Variants in DNAH9 observed in about 807,000 individuals in gnomAD.
DNAH9 encodes the protein DNAH9 variant protein.
In DNAH9, 345 loss-of-function variants were observed where a neutral mutation model predicts 471.6. That is an observed-to-expected ratio of 0.73 (90% CI 0.67 to 0.80). The LOEUF is 0.80. Among genes scored for constraint, DNAH9 ranks in the 30% least tolerant of loss-of-function variants. DNAH9 has a pLI of 0.00. For missense variants in DNAH9, 5,407 were observed against 5,609.2 expected, an observed-to-expected ratio of 0.96 and a Z score of 1.15; for synonymous variants, 2,093 against 2,123.6, an observed-to-expected ratio of 0.99 and a Z score of 0.40.
Position 11,719,420 on chromosome 17 carries a change from C to T in DNAH9, c.5639C>T (p.Thr1880Ile), listed in dbSNP as rs776449779. ...GPAGTGKTET[T>I]KDLGRALGIL... ...GCAGGCACAGGCAAGACCGAGACCA[C>T]CAAGGACCTGGGCCGCGCACTGGGC... The change falls in exon 27 of 69, where the codon ACC becomes ATC. Residue 1880 changes from threonine (T) to isoleucine (I), a missense_variant. This residue lies in a region of DNAH9 where 4,636 missense variants were observed against 4,900.3 expected (regional missense o/e 0.95). Transcript: ENST00000262442. 3.1e-6 allele frequency: 5 copies of T among 1,613,878 alleles called. No individual in the cohort carries two copies. The African/African-American group carries it at 5.3e-5, about 17-fold the overall frequency.
chr17:11,664,746 A>G (rs1044036678), intron 14 of DNAH9, 87 bp from the exon 15 acceptor site: 2 of 1,105,424 alleles, frequency 1.8e-6, no homozygotes, highest in Non-Finnish European at 2.6e-6. Context: ...TTTTTTCTCC[A>G]TATGTTGTTT....
intron 45 of DNAH9, among the ~76,000 whole-genome samples, chr17:11,816,257 AAAG>A (rs1258639131): frequency 2.0e-5 from 3 of 152,240 alleles, no homozygotes; most frequent in African/African-American, 7.2e-5. Context: ...AATACAAAAA[AAAG>A]AAGGATTAAA....
chr17:11,812,026 AATATATATATATAT>A (rs1555601078), intron 45 of DNAH9, among the ~76,000 whole-genome samples: 2 of 36,750 alleles, frequency 5.4e-5, no homozygotes, highest in Non-Finnish European at 5.2e-5. Context: ...AAAAAAAAAA[AATATATATATATAT>A]ATATATATAT....
chr17:11,757,166 A>C (rs1303963799), intron 34 of DNAH9, among the ~76,000 whole-genome samples: 1 of 152,128 alleles, frequency 6.6e-6, no homozygotes. Flanking sequence ...CTGCAGGATG[A>C]GTAAGTTCTA....
intron 26 of DNAH9, among the ~76,000 whole-genome samples, chr17:11,715,631 C>T (rs898841709): frequency 2.6e-5 from 4 of 152,286 alleles, no homozygotes; most frequent in Admixed American, 6.5e-5. Flanking sequence ...TGGGACTCAT[C>T]GGCCAGGATC....
intron 61 of DNAH9, among the ~76,000 whole-genome samples, chr17:11,908,377 A>G (rs1237721069): frequency 6.6e-6 from 1 of 152,238 alleles, no homozygotes; most frequent in Non-Finnish European, 1.5e-5. Flanking sequence ...CACATAATAC[A>G]TAGTAGTCAG....
At chr17:11,800,481 C>G (rs1280320869) in intron 43 of DNAH9, among the ~76,000 whole-genome samples, 1 of 152,022 alleles carries the variant, frequency 6.6e-6, no homozygotes, top group African/African-American at 2.4e-5. Flanking sequence ...TATCATTTAT[C>G]AAAAAATAAT....
At chr17:11,919,974 G>T (rs1974083031) in intron 61 of DNAH9, among the ~76,000 whole-genome samples, 1 of 152,032 alleles carries the variant, frequency 6.6e-6, no homozygotes, top group Non-Finnish European at 1.5e-5. Flanking sequence ...TCCATGATGG[G>T]AGAGCCCTGG....
At position 11,834,644 on chromosome 17, in the gene DNAH9, G is replaced by C; in HGVS notation, c.9253G>C (p.Asp3085His). The change falls in exon 49 of 69, where the codon GAT becomes CAT. Residue 3085 changes from aspartate (D) to histidine (H), a missense_variant. Around this residue, in one of 3 missense-constraint regions of DNAH9, gnomAD observed 4,636 missense variants for 4,900.3 expected, o/e 0.95. Transcript: ENST00000262442. ...KLHSTSAQVD[D>H]LKAKLAAQEV... ...CCGTGCTTCTCCAATGCAGGTGGAT[G>C]ATCTGAAAGCAAAGCTGGCTGCCCA... 6.2e-7 allele frequency: 1 copy of C among 1,614,016 alleles called. No homozygotes were observed. Among genetic ancestry groups the C allele is most frequent in the Non-Finnish European group, 8.5e-7 (1 of 1,180,008 alleles).
intron 55 of DNAH9, among the ~76,000 whole-genome samples, chr17:11,881,910 C>CA (rs11440448): frequency 0.57 from 85,939 of 149,482 alleles, 25,993 homozygotes; most frequent in East Asian, 0.72. Flanking sequence ...GGTTCTGTCT[C>CA]AAAAAAAAGA....
chr17:11,769,187 G>T lies in DNAH9; in HGVS notation c.7410G>T (p.Arg2470=). The change falls in exon 38 of 69, where the codon CGG becomes CGT. Residue 2470 remains arginine (R), a synonymous_variant. Transcript: ENST00000262442. ...VCYFMERLMA[R]QRPVMLVGTA... The stretch of plus-strand genomic sequence containing the variant: ...ACTTCATGGAGCGGTTGATGGCGCG[G>T]CAGCGGCCTGTCATGCTGGTGGGCA... 1 of 1,614,206 alleles carries T rather than the reference G, an allele frequency of 6.2e-7. No individual in the cohort carries two copies. The highest frequency in any genetic ancestry group is 1.3e-5 in the African/African-American group (1 of 75,062).
chr17:11,636,071 A>T (rs957153308), intron 8 of DNAH9, among the ~76,000 whole-genome samples: 2 of 151,810 alleles, frequency 1.3e-5, no homozygotes, highest in Non-Finnish European at 2.9e-5. Context: ...CGATCTTGGC[A>T]TCTTGGCTCA....
rs954953881 is a variant in DNAH9, at chr17:11,744,957, T to C, written c.6272T>C (p.Met2091Thr). 5.6e-6 allele frequency: 9 copies of C among 1,614,064 alleles called. No homozygotes were observed. The highest frequency in any genetic ancestry group is 7.6e-6 in the Non-Finnish European group (9 of 1,180,040). ...GTGACTGATGACATGCCCATCTTCA[T>C]GGGCCTGATCGGGGACCTCTTTCCC... is the stretch of plus-strand genomic sequence containing the variant. Reference protein sequence around the residue: ...KIVTDDMPIFMGLIGDLFPAL... With the variant: ...KIVTDDMPIFTGLIGDLFPAL... The change falls in exon 31 of 69, where the codon ATG becomes ACG. Residue 2091 changes from methionine (M) to threonine (T), a missense_variant. Around this residue, in one of 3 missense-constraint regions of DNAH9, gnomAD observed 4,636 missense variants for 4,900.3 expected, o/e 0.95. Coordinates refer to ENST00000262442, the MANE Select transcript of DNAH9 (RefSeq NM_001372.4).
chr17:11,708,569 A>T (rs1377267344), intron 26 of DNAH9, among the ~76,000 whole-genome samples: 1 of 152,090 alleles, frequency 6.6e-6, no homozygotes, highest in Non-Finnish European at 1.5e-5. Context: ...TGGGCCAATT[A>T]GTTGGAGGAG....
At chr17:11,945,124 G>A (rs1465398185) in intron 67 of DNAH9, among the ~76,000 whole-genome samples, 1 of 152,192 alleles carries the variant, frequency 6.6e-6, no homozygotes, top group South Asian at 2.1e-4. Flanking sequence ...TGTCAGCTCC[G>A]AGCTCTTCCC....
chr17:11,895,843 C>T (rs1022927807), intron 59 of DNAH9, among the ~76,000 whole-genome samples: 3 of 152,206 alleles, frequency 2.0e-5, no homozygotes, highest in Non-Finnish European at 4.4e-5. Flanking sequence ...GATATCCGTC[C>T]AAGTAGTTTT....
chr17:11,723,869 C>T (rs1444341339), intron 27 of DNAH9, among the ~76,000 whole-genome samples: 5 of 152,042 alleles, frequency 3.3e-5, no homozygotes, highest in South Asian at 4.2e-4. Flanking sequence ...GAGACGGTGT[C>T]TCACTGTGTT....
chr17:11,893,844 G>A (rs894786943), intron 58 of DNAH9, among the ~76,000 whole-genome samples: 3 of 152,122 alleles, frequency 2.0e-5, no homozygotes, highest in Non-Finnish European at 4.4e-5. Context: ...AAACCTGCAC[G>A]TTCTGCACAT....
chr17:11,604,873 G>A (rs1414556719), intron 1 of DNAH9, among the ~76,000 whole-genome samples: 2 of 151,964 alleles, frequency 1.3e-5, no homozygotes, highest in Non-Finnish European at 2.9e-5. Context: ...TTCCACCTTT[G>A]CCCCTTAGAG....
Sources: allele counts gnomAD v4.1 joint callset (sites outside exome capture counted in the v4.1 genomes callset), GRCh38; gene constraint gnomAD v4.1.1; regional missense constraint gnomAD v4.1.1; transcripts MANE v1.5; gene names NCBI Gene and HGNC (gene_info 2026-07-23, HGNC 2026-07-21).